The following ADAMTS12 variants were observed in gnomAD, a reference collection of about 807,000 sequenced individuals.
ADAMTS12 encodes ADAM metallopeptidase with thrombospondin type 1 motif 12, also known as A disintegrin and metalloproteinase with thrombospondin motifs 12.
A neutral mutation model predicts 167.8 loss-of-function variants in ADAMTS12; 118 were observed. The ratio of observed to expected loss-of-function variants is 0.70; its 90% CI spans 0.61 to 0.82. The LOEUF is 0.82. ADAMTS12 is among the 40% of genes least tolerant of loss of function. The pLI is 0.00. For synonymous variants in ADAMTS12, 704 were observed against 716.9 expected (o/e 0.98, Z 0.29); for missense variants, 1,916 against 1,998.8 (o/e 0.96, Z 0.79).
chr5:33,687,490 C>A (rs186785873), intron 3 of ADAMTS12, among the ~76,000 whole-genome samples: 60 of 152,342 alleles, frequency 3.9e-4, no homozygotes, highest in African/African-American at 1.4e-3. Context: ...CTGGGCAAGG[C>A]CCAAGTTACT....
At chr5:33,760,420 A>G (rs981939860) in intron 2 of ADAMTS12, among the ~76,000 whole-genome samples, 1 of 152,182 alleles carries the variant, frequency 6.6e-6, no homozygotes, top group Admixed American at 6.5e-5. Context: ...CAGATACTCT[A>G]GCTGAATAAA....
intron 3 of ADAMTS12, among the ~76,000 whole-genome samples, chr5:33,737,526 T>C (rs1744416609): frequency 1.3e-5 from 2 of 152,194 alleles, no homozygotes; most frequent in Admixed American, 1.3e-4. Flanking sequence ...ACAAACACTA[T>C]TGAACTGTAC....
intron 9 of ADAMTS12, among the ~76,000 whole-genome samples, chr5:33,645,300 C>A (rs982229670): frequency 7.2e-5 from 11 of 151,988 alleles, no homozygotes; most frequent in African/African-American, 2.4e-4. Flanking sequence ...TTTCCACACA[C>A]CCCCCACTTC....
chr5:33,540,856 G>GT (rs1046557987), intron 22 of ADAMTS12, among the ~76,000 whole-genome samples: 89 of 152,286 alleles, frequency 5.8e-4, no homozygotes, highest in African/African-American at 2.1e-3. Context: ...ACCAAAATAG[G>GT]TAAAACCACA....
At chr5:33,760,879 CTGTGTGTGTGTGTGTGTG>C (rs61110268) in intron 2 of ADAMTS12, among the ~76,000 whole-genome samples, 9 of 145,576 alleles carry the variant, frequency 6.2e-5, no homozygotes, top group African/African-American at 2.3e-4. Flanking sequence ...TGTCTTTGCT[CTGTGTGTGTGTGTGTGTG>C]TGTGTGTGTG....
intron 2 of ADAMTS12, among the ~76,000 whole-genome samples, chr5:33,856,841 A>T (rs894433771): frequency 1.3e-5 from 2 of 152,210 alleles, no homozygotes; most frequent in African/African-American, 4.8e-5. Flanking sequence ...AAACAGTGTG[A>T]AAATTCCTCA....
chr5:33,524,201 A>G lies in ADAMTS12; in HGVS notation c.*2987T>C, dbSNP rs1434253384. ...AAGAAAACCCATCACAAAACAAAGC[A>G]TTCCTACAAAGGAGGCACTGAAACG... On this transcript the variant is annotated 3_prime_UTR_variant, in exon 24 of 24. Transcript: ENST00000504830. 1.3e-5 allele frequency: 2 copies of G among 152,260 alleles called. No homozygotes were observed. The highest frequency in any genetic ancestry group is 2.9e-5 in the Non-Finnish European group (2 of 68,044). 9.4% of individuals were successfully genotyped at this position (152,260 alleles called of 1,614,324 possible). A position where few individuals can be genotyped will look rare whatever the true frequency, so the allele number is the denominator to read the frequency against.
intron 17 of ADAMTS12, among the ~76,000 whole-genome samples, chr5:33,595,276 C>A (rs978766796): frequency 8.5e-5 from 13 of 152,100 alleles, no homozygotes; most frequent in Non-Finnish European, 1.5e-4. Context: ...TGCTGAATAT[C>A]TCTATAACAG....
At chr5:33,798,327 A>G (rs1746856567) in intron 2 of ADAMTS12, among the ~76,000 whole-genome samples, 3 of 152,020 alleles carry the variant, frequency 2.0e-5, no homozygotes, top group Admixed American at 2.0e-4. Flanking sequence ...TCAAGGTGTC[A>G]GCAGGCTTGG....
chr5:33,576,981 G>T lies in ADAMTS12; in HGVS notation c.3045C>A (p.Asn1015Lys), dbSNP rs1021551398. Residue 1015 changes from asparagine (N) to lysine (K), a missense_variant, in exon 19 of 24, where the codon AAC becomes AAA. Transcript: ENST00000504830. The stretch of plus-strand genomic sequence containing the variant: ...GAGGGACGGGCTTTAGTGTTGGTGG[G>T]TTTTTTCCATTGGAAATAGTGCCTT... ...PNKGTISNGK[N>K]PPTLKPVPPP... 3.3e-5 allele frequency: 53 copies of T among 1,614,054 alleles called. No homozygotes were observed. The highest frequency in any genetic ancestry group is 5.0e-5 in the Admixed American group (3 of 60,000).
chr5:33,656,807 T>C (rs924795709), intron 7 of ADAMTS12, among the ~76,000 whole-genome samples: 36 of 152,150 alleles, frequency 2.4e-4, no homozygotes, highest in African/African-American at 8.0e-4. Context: ...TAACTTAACA[T>C]TTTGCCAGGT....
intron 2 of ADAMTS12, among the ~76,000 whole-genome samples, chr5:33,814,447 A>C (rs768667672): frequency 1.8e-4 from 27 of 152,170 alleles, no homozygotes; most frequent in Non-Finnish European, 3.5e-4. Context: ...GCATAAGTTA[A>C]ATTTAAATTT....
intron 9 of ADAMTS12, among the ~76,000 whole-genome samples, chr5:33,645,980 A>G (rs1740648565): frequency 1.3e-5 from 2 of 152,206 alleles, no homozygotes; most frequent in African/African-American, 4.8e-5. Context: ...AATTCAGGAT[A>G]GGATATAAAA....
At chr5:33,805,249 A>G (rs1747180544) in intron 2 of ADAMTS12, among the ~76,000 whole-genome samples, 2 of 152,186 alleles carry the variant, frequency 1.3e-5, no homozygotes, top group Non-Finnish European at 2.9e-5. Flanking sequence ...AACATCAACA[A>G]TCCACAGCTT....
At position 33,685,751 on chromosome 5, in the gene ADAMTS12, G is replaced by A. The variant is rs116371271; in HGVS notation, c.635-1696C>T. 3.8e-3 allele frequency among the ~76,000 whole-genome samples: 581 copies of A among 152,238 alleles called. 5 individuals are homozygous for A. The highest frequency in any genetic ancestry group is 0.014 in the African/African-American group (563 of 41,536). ...AGATGGTTAACCCCTCATTTGTGCT[G>A]GAACCATTTTCTAGTTTCCTTCTCC... On this transcript the variant is annotated intron_variant, in intron 3 of 23. Coordinates refer to ENST00000504830, the MANE Select transcript of ADAMTS12 (RefSeq NM_030955.4).
intron 17 of ADAMTS12, among the ~76,000 whole-genome samples, chr5:33,593,484 A>G (rs778135206): frequency 1.3e-5 from 2 of 152,216 alleles, no homozygotes; most frequent in Non-Finnish European, 2.9e-5. Context: ...GTATCTACAA[A>G]TTAGGGTTGC....
intron 3 of ADAMTS12, among the ~76,000 whole-genome samples, chr5:33,732,837 T>C (rs955036398): frequency 6.6e-6 from 1 of 152,026 alleles, no homozygotes; most frequent in Non-Finnish European, 1.5e-5. Flanking sequence ...ATAAGAAAAT[T>C]TGTGAAAAAA....
intron 20 of ADAMTS12, among the ~76,000 whole-genome samples, chr5:33,550,935 A>G (rs1290920854): frequency 2.0e-5 from 3 of 152,160 alleles, no homozygotes; most frequent in Non-Finnish European, 4.4e-5. Context: ...TGGGCTAAAG[A>G]GATCTCCAGT....
chr5:33,826,599 T>G (rs1748082279), intron 2 of ADAMTS12, among the ~76,000 whole-genome samples: 1 of 151,592 alleles, frequency 6.6e-6, no homozygotes. Flanking sequence ...TATATATATA[T>G]ATATATAATT....
Sources: gnomAD v4.1 joint callset for allele counts (sites outside exome capture counted in the v4.1 genomes callset) on GRCh38, gnomAD v4.1.1 for gene constraint, MANE v1.5 for transcripts, NCBI Gene and HGNC (gene_info 2026-07-23, HGNC 2026-07-21) for gene names.